THEMIS: variants seen among roughly 807,000 people sequenced by gnomAD.
The protein encoded by THEMIS is protein THEMIS.
A neutral mutation model predicts 52.6 loss-of-function variants in THEMIS; 37 were observed. The ratio of observed to expected loss-of-function variants is 0.70; its 90% CI spans 0.54 to 0.93. The LOEUF (loss-of-function observed/expected upper bound fraction) is 0.93. Among genes scored for constraint, THEMIS ranks in the 40% least tolerant of loss-of-function variants. The pLI, the probability that THEMIS is intolerant of heterozygous loss-of-function variation, is 0.00. For synonymous variants in THEMIS, 292 were observed against 272.7 expected (o/e 1.07, Z -0.70); for missense variants, 808 against 763.1 (o/e 1.06, Z -0.69).
intron 4 of THEMIS, among the ~76,000 whole-genome samples, chr6:127,726,946 T>C (rs1230889301): frequency 6.6e-6 from 1 of 152,214 alleles, no homozygotes; most frequent in African/African-American, 2.4e-5. Context: ...AGCTAATCTG[T>C]ACAATTATTA....
At chr6:127,909,050 GTA>G (rs536296309) in intron 1 of THEMIS, among the ~76,000 whole-genome samples, 1 of 151,130 alleles carries the variant, frequency 6.6e-6, no homozygotes, top group African/African-American at 2.4e-5. Context: ...AATATATTAA[GTA>G]TATATATTAC....
intron 4 of THEMIS, among the ~76,000 whole-genome samples, chr6:127,785,824 A>G (rs1484843366): frequency 6.6e-6 from 1 of 152,016 alleles, no homozygotes; most frequent in African/African-American, 2.4e-5. Flanking sequence ...AGAGGGCAAA[A>G]GACTACTTAT....
At chr6:127,724,640 T>C (rs528680569) in intron 4 of THEMIS, among the ~76,000 whole-genome samples, 1 of 152,254 alleles carries the variant, frequency 6.6e-6, no homozygotes, top group Non-Finnish European at 1.5e-5. Flanking sequence ...TAACTTGTTA[T>C]TAGAAATGAA....
In THEMIS at chr6:127,812,935, G is replaced by T. The variant is rs1403463329; in HGVS notation, c.1706C>A (p.Thr569Asn). 5 of 1,613,928 alleles carry T rather than the reference G, an allele frequency of 3.1e-6. No homozygotes were observed. The highest frequency in any genetic ancestry group is 4.2e-6 in the Non-Finnish European group (5 of 1,179,920). ...CCTTTCTTCTGCTAAGGTTAGCAGG[G>T]TTAACTTTGTTTCCTCTACTGAGGG... ...KHPSVEETKL[T>N]LLTLAEERTV... The change falls in exon 4 of 6, where the codon ACC becomes AAC. Residue 569 changes from threonine to asparagine, a missense_variant. By Grantham distance (65) the Thr-to-Asn change is moderately conservative. Transcript: ENST00000368248.
chr6:127,718,596 G>A (rs937917190), intron 5 of THEMIS, among the ~76,000 whole-genome samples: 1 of 151,902 alleles, frequency 6.6e-6, no homozygotes, highest in Non-Finnish European at 1.5e-5. Context: ...CAATCTTAAA[G>A]AAAGAAAGAA....
intron 4 of THEMIS, among the ~76,000 whole-genome samples, chr6:127,796,213 G>T (rs968093632): frequency 1.3e-5 from 2 of 152,058 alleles, no homozygotes; most frequent in Non-Finnish European, 2.9e-5. Flanking sequence ...ACTAATGTGG[G>T]TTGATCCTGG....
intron 4 of THEMIS, among the ~76,000 whole-genome samples, chr6:127,751,195 T>C (rs531049838): frequency 1.3e-5 from 2 of 151,872 alleles, no homozygotes; most frequent in African/African-American, 4.8e-5. Flanking sequence ...AAGTCATAAA[T>C]AGTGACATCA....
chr6:127,796,527 C>CA (rs1183505601), intron 4 of THEMIS, among the ~76,000 whole-genome samples: 6 of 152,030 alleles, frequency 3.9e-5, no homozygotes, highest in Admixed American at 2.0e-4. Context: ...AGCAAGAAAG[C>CA]AAAGGAGACA....
chr6:127,827,395 T>A (rs1778543660), intron 3 of THEMIS, among the ~76,000 whole-genome samples: 1 of 152,212 alleles, frequency 6.6e-6, no homozygotes, highest in Non-Finnish European at 1.5e-5. Context: ...ATAAGAACTA[T>A]GTTTAAAATA....
chr6:127,727,515 A>G (rs1477170048), intron 4 of THEMIS, among the ~76,000 whole-genome samples: 1 of 152,120 alleles, frequency 6.6e-6, no homozygotes, highest in Non-Finnish European at 1.5e-5. Context: ...GTATCTAGGA[A>G]AATTATTCTC....
At chr6:127,707,875 T>C (rs1191362126), downstream of THEMIS, among the ~76,000 whole-genome samples, 1 of 152,134 alleles carries the variant, frequency 6.6e-6, no homozygotes, top group East Asian at 1.9e-4. Context: ...TTTCCATTTC[T>C]CACTCCTTTC....
intron 4 of THEMIS, among the ~76,000 whole-genome samples, chr6:127,753,735 C>T (rs562585089): frequency 6.6e-6 from 1 of 151,842 alleles, no homozygotes; most frequent in Admixed American, 6.6e-5. Flanking sequence ...ATGTTGATTG[C>T]CAGGGGCTGA....
At chr6:127,738,645 T>A (rs78176017) in intron 4 of THEMIS, among the ~76,000 whole-genome samples, 2,638 of 152,268 alleles carry the variant, frequency 0.017, 85 homozygotes, top group African/African-American at 0.061. Flanking sequence ...AAGCCCTGAC[T>A]TTGCTTATTT....
chr6:127,879,887 G>A (rs1166669335), intron 1 of THEMIS, among the ~76,000 whole-genome samples: 1 of 151,944 alleles, frequency 6.6e-6, no homozygotes, highest in African/African-American at 2.4e-5. Context: ...ACCAGCTCCG[G>A]GAAATGCGCC....
chr6:127,824,758 A>G lies in THEMIS; in HGVS notation c.709+4718T>C, dbSNP rs1037735416. On this transcript the variant is annotated intron_variant, in intron 3 of 5. Coordinates refer to ENST00000368248, the MANE Select transcript of THEMIS (RefSeq NM_001010923.3). ...GTGATCCGCCCGCCTCGGCCCCCCA[A>G]AGTGCTGGGATTGCAGGCGTGAGCC... Among the ~76,000 whole-genome samples, 10 of 152,076 alleles carry G rather than the reference A, an allele frequency of 6.6e-5. No individual in the cohort carries two copies. In the East Asian group the frequency reaches 1.2e-3, roughly 18 times the overall value.
At chr6:127,792,683 A>C (rs977243953) in intron 4 of THEMIS, among the ~76,000 whole-genome samples, 8 of 152,150 alleles carry the variant, frequency 5.3e-5, no homozygotes, top group Non-Finnish European at 2.9e-5. Flanking sequence ...CACTCTCCCC[A>C]AAACAGACTG....
the THEMIS span, among the ~76,000 whole-genome samples, chr6:127,702,113 T>G: frequency 5.9e-5 from 9 of 152,158 alleles, no homozygotes; most frequent in Admixed American, 3.3e-4. Flanking sequence ...CCTCTGTTTT[T>G]GTTCATCTAT....
chr6:127,792,495 G>C (rs1777192749), intron 4 of THEMIS, among the ~76,000 whole-genome samples: 1 of 152,182 alleles, frequency 6.6e-6, no homozygotes, highest in Admixed American at 6.5e-5. Context: ...TAGTTTCTGG[G>C]AAAGAGATGA....
At chr6:127,833,713 A>G (rs1778779068) in intron 2 of THEMIS, among the ~76,000 whole-genome samples, 1 of 152,178 alleles carries the variant, frequency 6.6e-6, no homozygotes, top group Non-Finnish European at 1.5e-5. Context: ...TTTCATGCAC[A>G]CCATTTCAAT....
Sources: allele counts gnomAD v4.1 joint callset (sites outside exome capture counted in the v4.1 genomes callset), GRCh38; gene constraint gnomAD v4.1.1; transcripts MANE v1.5; gene names NCBI Gene and HGNC (gene_info 2026-07-23, HGNC 2026-07-21).